AKAP6: variants seen among roughly 807,000 people sequenced by gnomAD.
The protein encoded by AKAP6 is A-kinase anchoring protein 6.
AKAP6 carries 58 observed loss-of-function variants against 188.5 expected under a neutral mutation model. The observed-to-expected ratio is 0.31, with a 90% CI of 0.25 to 0.38. The LOEUF is 0.38. Ranked by LOEUF, AKAP6 falls within the 10% of genes least tolerant of loss-of-function variation. The pLI, the probability that AKAP6 is intolerant of heterozygous loss-of-function variation, is 1.00. For missense variants in AKAP6, 2,710 were observed against 2,740.0 expected, an observed-to-expected ratio of 0.99 and a Z score of 0.24; for synonymous variants, 989 against 998.6, an observed-to-expected ratio of 0.99 and a Z score of 0.18.
intron 7 of AKAP6, among the ~76,000 whole-genome samples, chr14:32,614,407 A>G (rs928513456): frequency 3.2e-4 from 49 of 152,188 alleles, no homozygotes; most frequent in African/African-American, 1.1e-3. Flanking sequence ...TTTCTCTCAT[A>G]ACAGTCTTGT....
rs138669102 is a variant in AKAP6 at position 32,483,146 on chromosome 14, T to A, written c.324+49329T>A. Among the ~76,000 whole-genome samples the A allele has an allele frequency of 2.9e-3, 448 of 152,278 alleles. 4 individuals carry two copies. Among genetic ancestry groups the A allele is most frequent in the African/African-American group, 0.01 (418 of 41,564 alleles). On this transcript the variant is annotated intron_variant, in intron 2 of 13. Transcript: ENST00000280979. ...CTCACCAATATTTTAATGTTGCTAA[T>A]CTGATAGGTAAAACATGGTATTTCA...
chr14:32,480,429 C>A (rs907363077), intron 2 of AKAP6, among the ~76,000 whole-genome samples: 1 of 152,164 alleles, frequency 6.6e-6, no homozygotes, highest in African/African-American at 2.4e-5. Flanking sequence ...ATCCAAAGGA[C>A]TTTCTTCTTA....
At chr14:32,474,462 G>C (rs1878953163) in intron 2 of AKAP6, 1 of 152,104 alleles carries the variant, frequency 6.6e-6, no homozygotes, top group African/African-American at 2.4e-5. Flanking sequence ...GTCTCACATG[G>C]TTCAACATCT....
At chr14:32,405,886 T>C (rs1423463826) in intron 1 of AKAP6, among the ~76,000 whole-genome samples, 1 of 152,190 alleles carries the variant, frequency 6.6e-6, no homozygotes, top group African/African-American at 2.4e-5. Context: ...CATAGCAGTG[T>C]GAGAATTGAC....
Position 32,823,338 on chromosome 14 carries a change from C to T in AKAP6, c.5525C>T (p.Thr1842Ile). The T allele has an allele frequency of 6.2e-7, 1 of 1,613,784 alleles. No individual in the cohort carries two copies. Among genetic ancestry groups the T allele is most frequent in the East Asian group, 2.2e-5 (1 of 44,858 alleles). The change falls in exon 13 of 14, where the codon ACT becomes ATT. Residue 1842 changes from threonine to isoleucine, a missense_variant. Physicochemically the swap from Thr to Ile is moderately conservative, Grantham distance 89. Transcript: ENST00000280979. Reference protein sequence around the residue: ...SSSEMTNPSDTLNIETLLNGS... With the variant: ...SSSEMTNPSDILNIETLLNGS... The stretch of plus-strand genomic sequence containing the variant: ...AGTGAGATGACCAATCCCTCTGATA[C>T]TCTGAATATTGAGACCCTTCTAAAT...
intron 9 of AKAP6, among the ~76,000 whole-genome samples, chr14:32,708,082 G>A (rs189724631): frequency 3.3e-4 from 50 of 152,006 alleles, no homozygotes; most frequent in African/African-American, 1.1e-3. Context: ...AGATACATAC[G>A]GGTATGATTA....
intron 5 of AKAP6, among the ~76,000 whole-genome samples, chr14:32,583,873 A>T (rs1388346937): frequency 6.6e-6 from 1 of 152,116 alleles, no homozygotes; most frequent in Non-Finnish European, 1.5e-5. Context: ...TCCAGGTGCC[A>T]TCTGTCACTC....
At chr14:32,612,249 T>C (rs1366830427) in intron 7 of AKAP6, among the ~76,000 whole-genome samples, 5 of 152,198 alleles carry the variant, frequency 3.3e-5, no homozygotes, top group Admixed American at 1.3e-4. Flanking sequence ...TAATTAACTT[T>C]TCAAGTGATT....
chr14:32,394,510 G>A (rs545613773), intron 1 of AKAP6, among the ~76,000 whole-genome samples: 2 of 152,286 alleles, frequency 1.3e-5, no homozygotes, highest in South Asian at 2.1e-4. Context: ...ATGTGGGGAT[G>A]CCGATGCACG....
At chr14:32,603,294 G>A (rs1886007944) in intron 7 of AKAP6, among the ~76,000 whole-genome samples, 1 of 152,094 alleles carries the variant, frequency 6.6e-6, no homozygotes, top group Admixed American at 6.6e-5. Context: ...GCTAGGGTGG[G>A]AGTATGCCGA....
intron 7 of AKAP6, among the ~76,000 whole-genome samples, chr14:32,668,223 T>TA (rs1889034234): frequency 6.6e-6 from 1 of 152,078 alleles, no homozygotes; most frequent in Non-Finnish European, 1.5e-5. Context: ...GCTCATGACA[T>TA]AAAATGCGGA....
At chr14:32,743,295 A>C (rs920344471) in intron 11 of AKAP6, among the ~76,000 whole-genome samples, 1 of 152,060 alleles carries the variant, frequency 6.6e-6, no homozygotes, top group African/African-American at 2.4e-5. Flanking sequence ...CAACGGATCA[A>C]TGGGTTTTAT....
intron 8 of AKAP6, among the ~76,000 whole-genome samples, chr14:32,690,602 T>A (rs1289986074): frequency 6.6e-6 from 1 of 152,172 alleles, no homozygotes; most frequent in Non-Finnish European, 1.5e-5. Flanking sequence ...GGGTAAGATG[T>A]TATGAAATAC....
intron 1 of AKAP6, among the ~76,000 whole-genome samples, chr14:32,419,508 T>G (rs1197997901): frequency 6.6e-6 from 1 of 152,198 alleles, no homozygotes; most frequent in Non-Finnish European, 1.5e-5. Context: ...AATGTAATAT[T>G]AGCTGACAGA....
At chr14:32,454,489 A>G (rs568945131) in intron 2 of AKAP6, among the ~76,000 whole-genome samples, 2 of 152,334 alleles carry the variant, frequency 1.3e-5, no homozygotes, top group African/African-American at 2.4e-5. Context: ...AAGGCTTTAC[A>G]TGCAAAGCAG....
chr14:32,563,494 G>C (rs995359529), intron 4 of AKAP6, among the ~76,000 whole-genome samples: 1 of 152,130 alleles, frequency 6.6e-6, no homozygotes, highest in East Asian at 1.9e-4. Context: ...GTACTGTGGG[G>C]GGGGAAGGGT....
chr14:32,374,431 A>G (rs1351170572), intron 1 of AKAP6, among the ~76,000 whole-genome samples: 2 of 152,180 alleles, frequency 1.3e-5, no homozygotes, highest in African/African-American at 4.8e-5. Context: ...AGGCAAAGAT[A>G]GAAGGATGAC....
At chr14:32,828,332 A>G (rs1037262165) in intron 13 of AKAP6, among the ~76,000 whole-genome samples, 1 of 152,210 alleles carries the variant, frequency 6.6e-6, no homozygotes, top group Non-Finnish European at 1.5e-5. Flanking sequence ...GTGATTGTGT[A>G]TGAATTTTGC....
At chr14:32,639,846 G>T (rs532923418) in intron 7 of AKAP6, among the ~76,000 whole-genome samples, 1 of 152,206 alleles carries the variant, frequency 6.6e-6, no homozygotes, top group African/African-American at 2.4e-5. Context: ...TTATGAAACT[G>T]GAGAAAGACC....
Sources: allele counts gnomAD v4.1 joint callset (sites outside exome capture counted in the v4.1 genomes callset), GRCh38; gene constraint gnomAD v4.1.1; transcripts MANE v1.5; gene names NCBI Gene and HGNC (gene_info 2026-07-23, HGNC 2026-07-21).